The following BANK1 variants were observed in gnomAD, a reference collection of about 807,000 sequenced individuals.
The protein encoded by BANK1 is B cell scaffold protein with ankyrin repeats 1.
BANK1 carries 95 observed loss-of-function variants against 94.5 expected under a neutral mutation model. The ratio of observed to expected loss-of-function variants is 1.00; its 90% CI spans 0.85 to 1.19. The LOEUF is 1.19. BANK1 is among the 50% of genes most tolerant of loss of function. BANK1 has a pLI of 0.00. For synonymous variants in BANK1, 334 were observed against 308.4 expected, an observed-to-expected ratio of 1.08 and a Z score of -0.87; for missense variants, 987 against 932.2, an observed-to-expected ratio of 1.06 and a Z score of -0.77.
At chr4:101,840,176 GC>G (rs1471756893) in intron 2 of BANK1, among the ~76,000 whole-genome samples, 2 of 150,034 alleles carry the variant, frequency 1.3e-5, no homozygotes, top group Admixed American at 1.3e-4. Flanking sequence ...CACCGTTTTA[GC>G]CGGGATGGTC....
chr4:101,931,418 C>T (rs1809578), intron 7 of BANK1, among the ~76,000 whole-genome samples: 123,982 of 151,304 alleles, frequency 0.82, 51,243 homozygotes, highest in Non-Finnish European at 0.88. Context: ...AAGAACCAGC[C>T]CTTTCTGTAT....
intron 9 of BANK1, among the ~76,000 whole-genome samples, chr4:102,028,587 A>C (rs1727179677): frequency 1.3e-5 from 2 of 152,172 alleles, no homozygotes; most frequent in African/African-American, 4.8e-5. Flanking sequence ...GGAGTATCAG[A>C]TTCTCGAAGG....
chr4:101,843,197 C>T (rs1036795788), intron 2 of BANK1, among the ~76,000 whole-genome samples: 1 of 152,138 alleles, frequency 6.6e-6, no homozygotes, highest in Non-Finnish European at 1.5e-5. Context: ...CTTAGTACAC[C>T]TACTTTCCCC....
At chr4:101,873,609 G>A (rs1242039060) in intron 5 of BANK1, among the ~76,000 whole-genome samples, 3 of 152,134 alleles carry the variant, frequency 2.0e-5, no homozygotes, top group African/African-American at 4.8e-5. Context: ...TTTTAATGAT[G>A]TCTATTAGGT....
At chr4:101,984,215 G>A (rs1453513763) in intron 7 of BANK1, among the ~76,000 whole-genome samples, 1 of 151,992 alleles carries the variant, frequency 6.6e-6, no homozygotes, top group Admixed American at 6.6e-5. Context: ...CGAAAAAGAG[G>A]AATGAAAAGT....
intron 2 of BANK1, among the ~76,000 whole-genome samples, chr4:101,851,718 A>G (rs1456791161): frequency 6.6e-6 from 1 of 152,156 alleles, no homozygotes; most frequent in African/African-American, 2.4e-5. Context: ...TTCTCTTATC[A>G]GTTTTTCTTT....
chr4:101,974,775 C>T (rs1347868886), intron 7 of BANK1, among the ~76,000 whole-genome samples: 2 of 138,158 alleles, frequency 1.4e-5, no homozygotes, highest in Non-Finnish European at 3.1e-5. Context: ...TGGTGAAACC[C>T]CATCTTTACT....
rs1394201991 is a variant in BANK1 at position 101,790,794 on chromosome 4, G to A, written c.-87G>A. 7.2e-7 allele frequency: 1 copy of A among 1,391,998 alleles called. No homozygotes were observed. Among genetic ancestry groups the A allele is most frequent in the Admixed American group, 2.0e-5 (1 of 50,690 alleles). 86.2% of individuals were successfully genotyped at this position (1,391,998 alleles called of 1,614,324 possible). On this transcript the variant is annotated 5_prime_UTR_variant, in exon 1 of 17. Coordinates refer to ENST00000322953, the MANE Select transcript of BANK1 (RefSeq NM_017935.5). ...GGGAGAGCCGAGGGCCAAAGGAAGA[G>A]AAAATCGCGGGGAGTCTCTGGCCGG...
At chr4:101,831,316 T>A (rs1437062996) in intron 2 of BANK1, among the ~76,000 whole-genome samples, 3 of 152,176 alleles carry the variant, frequency 2.0e-5, no homozygotes, top group Non-Finnish European at 2.9e-5. Context: ...GCATAAGTGT[T>A]GGAGTTCTGT....
chr4:101,966,160 A>G (rs1211422342), intron 7 of BANK1, among the ~76,000 whole-genome samples: 1 of 152,074 alleles, frequency 6.6e-6, no homozygotes, highest in Non-Finnish European at 1.5e-5. Context: ...ATTCAAACAC[A>G]GTATCTGTAA....
chr4:101,833,016 G>C (rs1386322262), intron 2 of BANK1, among the ~76,000 whole-genome samples: 1 of 148,482 alleles, frequency 6.7e-6, no homozygotes, highest in Non-Finnish European at 1.5e-5. Flanking sequence ...TTTTGCTCTT[G>C]TTGCCCAGGC....
At chr4:102,043,816 AAT>A in intron 10 of BANK1, 21 bp from the exon 11 acceptor site, 1 of 1,520,956 alleles carries the variant, frequency 6.6e-7, no homozygotes, top group Non-Finnish European at 9.0e-7. Context: ...TTCAGTAAAT[AAT>A]ATGTTCTATA....
intron 6 of BANK1, among the ~76,000 whole-genome samples, chr4:101,903,040 A>G (rs1722333405): frequency 6.6e-6 from 1 of 152,228 alleles, no homozygotes; most frequent in African/African-American, 2.4e-5. Context: ...TATAAAAAGA[A>G]GTGAATACCT....
At chr4:101,942,528 A>AT (rs1723788952) in intron 7 of BANK1, among the ~76,000 whole-genome samples, 2 of 151,902 alleles carry the variant, frequency 1.3e-5, no homozygotes, top group African/African-American at 4.8e-5. Flanking sequence ...AAATAAATAA[A>AT]TGGGCAAGCT....
At chr4:101,839,365 A>C (rs1726946420) in intron 2 of BANK1, among the ~76,000 whole-genome samples, 1 of 152,184 alleles carries the variant, frequency 6.6e-6, no homozygotes, top group African/African-American at 2.4e-5. Flanking sequence ...ACAGTAAGAG[A>C]AATATTAAGA....
At chr4:101,812,483 A>T (rs1209730086) in intron 1 of BANK1, among the ~76,000 whole-genome samples, 5 of 152,004 alleles carry the variant, frequency 3.3e-5, no homozygotes, top group Non-Finnish European at 1.5e-5. Context: ...GATTCATTAA[A>T]TAAAATGAAT....
chr4:101,853,415 C>A (rs1297159495), intron 2 of BANK1, among the ~76,000 whole-genome samples: 1 of 152,132 alleles, frequency 6.6e-6, no homozygotes, highest in Non-Finnish European at 1.5e-5. Context: ...TTGACTCTTT[C>A]TTTTTACCCT....
intron 12 of BANK1, chr4:102,062,052 C>G (rs1260218644): frequency 6.6e-6 from 1 of 152,128 alleles, no homozygotes; most frequent in South Asian, 2.1e-4. Context: ...CACGTGCAAA[C>G]AAAGATGCAT....
At chr4:102,046,247 A>G (rs1357487953) in intron 11 of BANK1, among the ~76,000 whole-genome samples, 1 of 152,124 alleles carries the variant, frequency 6.6e-6, no homozygotes, top group Non-Finnish European at 1.5e-5. Context: ...CATATGTAGA[A>G]AGCTGAAACT....
Sources: allele counts gnomAD v4.1 joint callset (sites outside exome capture counted in the v4.1 genomes callset), GRCh38; gene constraint gnomAD v4.1.1; transcripts MANE v1.5; gene names NCBI Gene and HGNC (gene_info 2026-07-23, HGNC 2026-07-21).